Variants in SPOCK1 observed in about 807,000 individuals in gnomAD.
The protein encoded by SPOCK1 is testican-1.
In SPOCK1, 23 loss-of-function variants were observed where a neutral mutation model predicts 55.3. The observed-to-expected ratio is 0.42, with a 90% CI of 0.30 to 0.59. The LOEUF (loss-of-function observed/expected upper bound fraction) is 0.59, where lower values mean the gene tolerates loss of function less well. Ranked by LOEUF, SPOCK1 falls within the 20% of genes least tolerant of loss-of-function variation. The pLI, the probability that SPOCK1 is intolerant of heterozygous loss-of-function variation, is 0.22. For synonymous variants in SPOCK1, 226 were observed against 221.0 expected (o/e 1.02, Z -0.20); for missense variants, 499 against 552.5 (o/e 0.90, Z 0.97).
intron 2 of SPOCK1, among the ~76,000 whole-genome samples, chr5:137,277,716 G>A (rs533178654): frequency 6.6e-6 from 1 of 152,256 alleles, no homozygotes; most frequent in East Asian, 1.9e-4. Flanking sequence ...CTAAGTAAGT[G>A]GACAGCCGGT....
At chr5:137,164,363 T>G (rs1463220822) in intron 3 of SPOCK1, among the ~76,000 whole-genome samples, 9 of 151,980 alleles carry the variant, frequency 5.9e-5, no homozygotes, top group Non-Finnish European at 1.2e-4. Context: ...CCCAGTGTCT[T>G]GAGGGGAAGG....
intron 3 of SPOCK1, 77 bp downstream of exon 3, chr5:137,266,933 T>G: frequency 7.5e-7 from 1 of 1,332,828 alleles, no homozygotes. Flanking sequence ...GTGGGAACAT[T>G]AACTCAGCAT....
chr5:137,066,981 C>CAGAGAG (rs1752515957), intron 6 of SPOCK1, among the ~76,000 whole-genome samples: 1 of 129,272 alleles, frequency 7.7e-6, no homozygotes, highest in African/African-American at 2.8e-5. Flanking sequence ...CACACACACA[C>CAGAGAG]ACACACAGAG....
intron 2 of SPOCK1, among the ~76,000 whole-genome samples, chr5:137,378,408 C>A (rs898700742): frequency 6.6e-6 from 1 of 152,234 alleles, no homozygotes; most frequent in African/African-American, 2.4e-5. Context: ...ACAGGCATAA[C>A]AACTCCAGCT....
chr5:136,980,321 T>C (rs1750705089), intron 9 of SPOCK1, among the ~76,000 whole-genome samples: 1 of 152,168 alleles, frequency 6.6e-6, no homozygotes, highest in Non-Finnish European at 1.5e-5. Context: ...GAGAAAATCA[T>C]ATGGTTTTTA....
At chr5:137,051,944 C>T (rs1752215326) in intron 6 of SPOCK1, among the ~76,000 whole-genome samples, 1 of 152,136 alleles carries the variant, frequency 6.6e-6, no homozygotes, top group Non-Finnish European at 1.5e-5. Context: ...CTCTGTACTC[C>T]CCAGCATCTA....
chr5:137,185,832 A>T (rs1183543787), intron 3 of SPOCK1, among the ~76,000 whole-genome samples: 2 of 152,174 alleles, frequency 1.3e-5, no homozygotes, highest in African/African-American at 2.4e-5. Flanking sequence ...TGTCTCTGCT[A>T]GATAAGGCCT....
intron 2 of SPOCK1, among the ~76,000 whole-genome samples, chr5:137,294,692 G>A (rs1757444371): frequency 6.6e-6 from 1 of 152,138 alleles, no homozygotes; most frequent in Non-Finnish European, 1.5e-5. Flanking sequence ...TCCAGGACCA[G>A]GATTTGACCC....
In SPOCK1 at chr5:137,217,957, T is replaced by TAAGAA. The variant is rs1246309172; in HGVS notation, c.232+49052_232+49053insTTCTT. Among the ~76,000 whole-genome samples the TAAGAA allele has an allele frequency of 7.4e-3, 1,121 of 152,320 alleles. 15 individuals carry two copies. The highest frequency in any genetic ancestry group is 0.025 in the African/African-American group (1,044 of 41,566). ...CCCAACCTTACCGCATCTATATTTC[T>TAAGAA]ACATAGGTATAGATGGTTAGAAGGA... is the stretch of plus-strand genomic sequence containing the variant. On this transcript the variant is annotated intron_variant, in intron 3 of 10. Coordinates refer to ENST00000394945, the MANE Select transcript of SPOCK1 (RefSeq NM_004598.4).
chr5:137,127,087 A>G (rs1753794619), intron 4 of SPOCK1, among the ~76,000 whole-genome samples: 1 of 152,246 alleles, frequency 6.6e-6, no homozygotes, highest in Non-Finnish European at 1.5e-5. Flanking sequence ...GACAATGTAT[A>G]AAGGAGATTA....
At chr5:137,099,020 G>A (rs1363182462) in intron 5 of SPOCK1, among the ~76,000 whole-genome samples, 1 of 152,204 alleles carries the variant, frequency 6.6e-6, no homozygotes, top group Admixed American at 6.5e-5. Flanking sequence ...TTAAAATCCA[G>A]GACATGCTTC....
At chr5:137,248,283 C>A (rs1035350761) in intron 3 of SPOCK1, among the ~76,000 whole-genome samples, 1 of 152,106 alleles carries the variant, frequency 6.6e-6, no homozygotes, top group African/African-American at 2.4e-5. Context: ...TATTATAAAG[C>A]CTTAATATAT....
chr5:137,450,725 G>A (rs1425088317), intron 2 of SPOCK1, among the ~76,000 whole-genome samples: 1 of 151,800 alleles, frequency 6.6e-6, no homozygotes, highest in Non-Finnish European at 1.5e-5. Flanking sequence ...TCCTGATAAT[G>A]GCACCATTAT....
chr5:137,433,979 A>T (rs1752803571), intron 2 of SPOCK1, among the ~76,000 whole-genome samples: 1 of 152,256 alleles, frequency 6.6e-6, no homozygotes, highest in Non-Finnish European at 1.5e-5. Context: ...CATGACAAAA[A>T]TTGCAATTAC....
chr5:137,459,812 G>T (rs192597075), intron 2 of SPOCK1, among the ~76,000 whole-genome samples: 48 of 152,270 alleles, frequency 3.2e-4, no homozygotes, highest in Middle Eastern at 3.4e-3. Context: ...GCCATTCAGA[G>T]GTATATGAAA....
chr5:137,182,603 C>A (rs572214349), intron 3 of SPOCK1, among the ~76,000 whole-genome samples: 20 of 152,242 alleles, frequency 1.3e-4, no homozygotes, highest in African/African-American at 4.8e-4. Context: ...GTCTGAGTGA[C>A]CTCCCTCCTC....
At chr5:137,491,715 G>C (rs780873237) in intron 2 of SPOCK1, among the ~76,000 whole-genome samples, 1 of 152,196 alleles carries the variant, frequency 6.6e-6, no homozygotes, top group Non-Finnish European at 1.5e-5. Flanking sequence ...CATGTGCCTA[G>C]TATGCTTCTA....
chr5:137,473,211 C>T (rs1580946117), intron 2 of SPOCK1, among the ~76,000 whole-genome samples: 1 of 152,272 alleles, frequency 6.6e-6, no homozygotes, highest in Non-Finnish European at 1.5e-5. Flanking sequence ...AACCTAAATG[C>T]CCATACATAG....
intron 4 of SPOCK1, among the ~76,000 whole-genome samples, chr5:137,113,317 C>T (rs1467603596): frequency 6.6e-6 from 1 of 152,160 alleles, no homozygotes; most frequent in Admixed American, 6.5e-5. Context: ...TACTGCCACC[C>T]TTCCTCTCTT....
Sources: gnomAD v4.1 joint callset for allele counts (sites outside exome capture counted in the v4.1 genomes callset) on GRCh38, gnomAD v4.1.1 for gene constraint, MANE v1.5 for transcripts, NCBI Gene and HGNC (gene_info 2026-07-23, HGNC 2026-07-21) for gene names.